NRK: variants seen among roughly 807,000 people sequenced by gnomAD.
NRK encodes the protein Nik related kinase.
NRK carries 67 observed loss-of-function variants against 125.2 expected under a neutral mutation model. The observed-to-expected ratio is 0.54, with a 90% CI of 0.44 to 0.66. The LOEUF is 0.66. NRK is among the 30% of genes least tolerant of loss of function. NRK has a pLI of 0.00. For missense variants in NRK, 1,224 were observed against 1,192.9 expected, an observed-to-expected ratio of 1.03 and a Z score of -0.38; for synonymous variants, 458 against 429.0, an observed-to-expected ratio of 1.07 and a Z score of -0.84.
At chrX:105,937,990 T>A (rs1261122731) in intron 22 of NRK, among the ~76,000 whole-genome samples, 3 of 111,800 alleles carry the variant, frequency 2.7e-5, no homozygotes, top group African/African-American at 9.8e-5. Flanking sequence ...GTCCTTAGTA[T>A]ATAGCCTTAT....
intron 2 of NRK, among the ~76,000 whole-genome samples, chrX:105,854,180 GA>G (rs1479338273): frequency 8.9e-6 from 1 of 112,164 alleles, no homozygotes; most frequent in Non-Finnish European, 1.9e-5. Context: ...TGGTGATGTA[GA>G]AAGTTGTAGG....
chrX:105,869,037 T>C (rs1219508326), intron 2 of NRK, among the ~76,000 whole-genome samples: 1 of 110,906 alleles, frequency 9.0e-6, no homozygotes, highest in Non-Finnish European at 1.9e-5. Flanking sequence ...AAGAGGTCAC[T>C]GGATAAGATC....
At chrX:105,880,872 T>G (rs1385033500) in intron 3 of NRK, among the ~76,000 whole-genome samples, 4 of 111,538 alleles carry the variant, frequency 3.6e-5, no homozygotes, top group Non-Finnish European at 5.7e-5. Flanking sequence ...CCACACTTTC[T>G]CAAGATAATA....
Position 105,957,946 on chromosome X carries a change from C to A in NRK, c.*2346C>A, listed in dbSNP as rs767308227. 2.7e-5 allele frequency: 3 copies of A among 112,021 alleles called. No homozygotes were observed. The allele number at this position is 112,021 out of a possible 1,213,427, so 9.2% of individuals were successfully genotyped here. On this transcript the variant is annotated 3_prime_UTR_variant, in exon 29 of 29. Transcript: ENST00000243300. ...CAGAAGAAATTATATCTATACATTACCTTGTAGCAGCAGTACCTGGAAGCC... is the reference window on the plus strand; with the variant it reads ...CAGAAGAAATTATATCTATACATTAACTTGTAGCAGCAGTACCTGGAAGCC...
chrX:105,887,431 T>A (rs973888065), intron 4 of NRK, among the ~76,000 whole-genome samples: 1 of 111,621 alleles, frequency 9.0e-6, no homozygotes, highest in Admixed American at 9.5e-5. Context: ...AAATAGCAAG[T>A]GTTGGTGATA....
At chrX:105,951,017 T>A (rs1271415328) in intron 27 of NRK, among the ~76,000 whole-genome samples, 1 of 110,168 alleles carries the variant, frequency 9.1e-6, no homozygotes, top group Non-Finnish European at 1.9e-5. Context: ...CTTCTTTTTT[T>A]TTTTTTCATA....
At chrX:105,859,781 T>C (rs979865414) in intron 2 of NRK, among the ~76,000 whole-genome samples, 41 of 111,880 alleles carry the variant, frequency 3.7e-4, no homozygotes, top group Middle Eastern at 4.6e-3. Flanking sequence ...CCTTATGCAA[T>C]GCCTCCTCAA....
At chrX:105,926,036 A>T (rs2040519499) in intron 19 of NRK, among the ~76,000 whole-genome samples, 1 of 111,230 alleles carries the variant, frequency 9.0e-6, no homozygotes, top group Non-Finnish European at 1.9e-5. Flanking sequence ...ACCATTCTCC[A>T]TTGTGGGTGT....
intron 26 of NRK, chrX:105,948,833 C>A: frequency 2.6e-6 from 1 of 383,251 alleles, no homozygotes; most frequent in Non-Finnish European, 4.5e-6. Flanking sequence ...CACAATTTTT[C>A]ATTTGTAGGG....
At chrX:105,876,625 G>C (rs764758244) in intron 2 of NRK, among the ~76,000 whole-genome samples, 13 of 111,862 alleles carry the variant, frequency 1.2e-4, no homozygotes, top group Non-Finnish European at 2.3e-4. Context: ...AACACTCAAT[G>C]TAGAATCTAA....
At chrX:105,940,748 A>T (rs1295719027) in intron 23 of NRK, among the ~76,000 whole-genome samples, 1 of 111,548 alleles carries the variant, frequency 9.0e-6, no homozygotes, top group Non-Finnish European at 1.9e-5. Flanking sequence ...TCTGAAGCAA[A>T]TCCCCCTGTA....
chrX:105,888,415 T>A lies in NRK; in HGVS notation c.374T>A (p.Leu125His). 1 of 1,185,709 alleles carries A rather than the reference T, an allele frequency of 8.4e-7. No homozygotes were observed. Among genetic ancestry groups the A allele is most frequent in the East Asian group, 3.0e-5 (1 of 33,312 alleles). Residue 125 changes from leucine (L) to histidine (H), a missense_variant, in exon 5 of 29, where the codon CTT becomes CAT. Leu to His is a moderately conservative substitution (Grantham distance 99, BLOSUM62 -3). Transcript: ENST00000243300. ...AGTCCCCCTGGTCAGCGGCACCAAC[T>A]TTGGGTATGTTTTTAATTACACTGT... ...KLSPPGQRHQ[L>H]WMVMELCAAG...
intron 2 of NRK, among the ~76,000 whole-genome samples, chrX:105,860,650 T>C (rs2039590283): frequency 9.0e-6 from 1 of 110,534 alleles, no homozygotes; most frequent in African/African-American, 3.3e-5. Context: ...TCATACAATG[T>C]GTGACATTTT....
chrX:105,834,607 A>C (rs2039238342), intron 2 of NRK, among the ~76,000 whole-genome samples: 1 of 109,733 alleles, frequency 9.1e-6, no homozygotes, highest in South Asian at 3.8e-4. Flanking sequence ...TTTCTACTCT[A>C]TTTGCTTTCT....
intron 7 of NRK, among the ~76,000 whole-genome samples, chrX:105,897,131 A>G (rs1179091486): frequency 3.6e-5 from 4 of 112,508 alleles, no homozygotes; most frequent in East Asian, 2.8e-4. Flanking sequence ...GCTGGATTAG[A>G]GTTTAATCAG....
rs770480992 is a variant in NRK, at chrX:105,893,261, C to A, written c.379-571C>A. 1.8e-4 allele frequency among the ~76,000 whole-genome samples: 20 copies of A among 112,050 alleles called. 1 individual carries two copies. In the South Asian group the frequency reaches 7.4e-3, roughly 42 times the overall value. On this transcript the variant is annotated intron_variant, in intron 5 of 28. Coordinates refer to ENST00000243300, the MANE Select transcript of NRK (RefSeq NM_198465.4). ...AATTATCCCACAGGAATGCAATTGACAAATTCCACCTTGGAGTTGTAGCTT... is the reference window on the plus strand; with the variant it reads ...AATTATCCCACAGGAATGCAATTGAAAAATTCCACCTTGGAGTTGTAGCTT...
rs1350101458 is a variant in NRK at position 105,958,607 on chromosome X, A to G, written c.*3007A>G. On this transcript the variant is annotated 3_prime_UTR_variant, in exon 29 of 29. Transcript: ENST00000243300. ...AACCTTGAAAAATAAAATTTTGTAA[A>G]ACATCGGTTGATGTCATTATTGAAA... The G allele has an allele frequency of 8.9e-6, 1 of 111,966 alleles. No individual in the cohort carries two copies. Among genetic ancestry groups the G allele is most frequent in the African/African-American group, 3.2e-5 (1 of 30,779 alleles). 9.2% of individuals were successfully genotyped at this position (111,966 alleles called of 1,213,427 possible).
Position 105,830,314 on chromosome X carries a change from C to CA in NRK, c.58-709dup, listed in dbSNP as rs71932033. 8.9e-3 allele frequency among the ~76,000 whole-genome samples: 98 copies of CA among 11,060 alleles called. 4 individuals carry two copies. The highest frequency in any genetic ancestry group is 0.011 in the Non-Finnish European group (72 of 6,474). 9.6% of individuals were successfully genotyped at this position (11,060 alleles called of 115,157 possible). ...GGGCAACAAGAGTGAAACTCCGTCG[C>CA]AAAAAAAAAAAAAAAAAAAAAAAAA... On this transcript the variant is annotated intron_variant, in intron 1 of 28. Transcript: ENST00000243300.
chrX:105,943,508 T>C (rs2040773205), intron 23 of NRK, among the ~76,000 whole-genome samples: 1 of 112,121 alleles, frequency 8.9e-6, no homozygotes, highest in Non-Finnish European at 1.9e-5. Context: ...TATTAGGAGC[T>C]TCTTAAGATT....
Sources: gnomAD v4.1 joint callset for allele counts (sites outside exome capture counted in the v4.1 genomes callset) on GRCh38, gnomAD v4.1.1 for gene constraint, MANE v1.5 for transcripts, NCBI Gene and HGNC (gene_info 2026-07-23, HGNC 2026-07-21) for gene names.